Variants in XIAP observed in about 807,000 individuals in gnomAD.
XIAP encodes the protein X-linked inhibitor of apoptosis.
A neutral mutation model predicts 33.1 loss-of-function variants in XIAP; 3 were observed. The observed-to-expected ratio is 0.09, with a 90% CI of 0.04 to 0.23. The LOEUF (loss-of-function observed/expected upper bound fraction) is 0.23. XIAP is among the 10% of genes least tolerant of loss of function. The pLI, the probability that XIAP is intolerant of heterozygous loss-of-function variation, is 1.00. For missense variants in XIAP, 264 were observed against 363.0 expected, an observed-to-expected ratio of 0.73 and a Z score of 2.22; for synonymous variants, 98 against 121.3, an observed-to-expected ratio of 0.81 and a Z score of 1.26.
chrX:123,879,525 T>C (rs7876441), intron 1 of XIAP, among the ~76,000 whole-genome samples: 40,555 of 105,021 alleles, frequency 0.39, 6,203 homozygotes, highest in African/African-American at 0.49. Flanking sequence ...CCGTGTTAGC[T>C]AGGATGATCT....
chrX:123,913,050 G>A lies in XIAP; in HGVS notation c.*5869G>A. On this transcript the variant is annotated 3_prime_UTR_variant, in exon 7 of 7. Transcript: ENST00000371199. Reference sequence around the variant, plus strand: ...CCTGCCTCGGCCTCACAAAGTGCTGGGATTACAGGTGTGAACCACTGCTCC... The same window carrying A: ...CCTGCCTCGGCCTCACAAAGTGCTGAGATTACAGGTGTGAACCACTGCTCC... 1 of 318,174 alleles carries A rather than the reference G, an allele frequency of 3.1e-6. No homozygotes were observed. The highest frequency in any genetic ancestry group is 6.1e-6 in the Non-Finnish European group (1 of 164,148). The allele number at this position is 318,174 out of a possible 1,213,427, so 26.2% of individuals were successfully genotyped here. A position where few individuals can be genotyped will look rare whatever the true frequency, so the allele number is the denominator to read the frequency against.
At chrX:123,859,743 G>T, upstream of XIAP, 1 of 194,900 alleles carries the variant, frequency 5.1e-6, no homozygotes. Context: ...CGCTAGGTCA[G>T]CTTCTCGGTT....
intron 1 of XIAP, among the ~76,000 whole-genome samples, chrX:123,871,616 G>T (rs2148075198): frequency 9.1e-6 from 1 of 110,243 alleles, no homozygotes; most frequent in African/African-American, 3.3e-5. Context: ...GAGTAGCTGG[G>T]ACTACAGGCT....
At chrX:123,875,024 A>AT (rs369707216) in intron 1 of XIAP, among the ~76,000 whole-genome samples, 114 of 83,491 alleles carry the variant, frequency 1.4e-3, no homozygotes, top group African/African-American at 2.0e-3. Flanking sequence ...TCAGGGATTT[A>AT]TTTTTTTTTT....
At chrX:123,869,239 G>T (rs2053170351) in intron 1 of XIAP, among the ~76,000 whole-genome samples, 2 of 107,363 alleles carry the variant, frequency 1.9e-5, no homozygotes, top group African/African-American at 3.4e-5. Context: ...ATCTGGCTGG[G>T]CGCAGTGGCT....
At chrX:123,883,869 G>C (rs2053327916) in intron 1 of XIAP, among the ~76,000 whole-genome samples, 1 of 111,480 alleles carries the variant, frequency 9.0e-6, no homozygotes, top group Non-Finnish European at 1.9e-5. Flanking sequence ...ATCAGCCTTG[G>C]TTTCTTTGAA....
chrX:123,895,161 G>C (rs7053190), intron 5 of XIAP, among the ~76,000 whole-genome samples: 18 of 110,139 alleles, frequency 1.6e-4, no homozygotes, highest in Middle Eastern at 4.8e-3. Context: ...CCCTAGGCCA[G>C]GGCAACCAGT....
intron 1 of XIAP, among the ~76,000 whole-genome samples, chrX:123,875,338 A>G (rs1487217972): frequency 9.0e-6 from 1 of 111,048 alleles, no homozygotes; most frequent in East Asian, 2.8e-4. Context: ...GGATTTATTT[A>G]TTTTTATTTT....
At chrX:123,906,712 G>C (rs2053557706) in intron 6 of XIAP, among the ~76,000 whole-genome samples, 2 of 112,252 alleles carry the variant, frequency 1.8e-5, no homozygotes, top group Admixed American at 1.9e-4. Flanking sequence ...CTGAGCAGAA[G>C]AACTTGTTTT....
At position 123,907,643 on chromosome X, in the gene XIAP, G is replaced by C. The variant is rs1268462097; in HGVS notation, c.*462G>C. 2 of 372,946 alleles carry C rather than the reference G, an allele frequency of 5.4e-6. No homozygotes were observed. Among genetic ancestry groups the C allele is most frequent in the East Asian group, 1.1e-4 (2 of 17,837 alleles). The allele number at this position is 372,946 out of a possible 1,213,427, so 30.7% of individuals were successfully genotyped here. A position where few individuals can be genotyped will look rare whatever the true frequency, so the allele number is the denominator to read the frequency against. ...ATTGTTCCATGCTGGTGGAAAGATA[G>C]AGATTGTTTTTAGAGGTTGGTTGTT... is the stretch of plus-strand genomic sequence containing the variant. On this transcript the variant is annotated 3_prime_UTR_variant, in exon 7 of 7. Transcript: ENST00000371199.
intron 1 of XIAP, among the ~76,000 whole-genome samples, chrX:123,871,822 G>A (rs1269070870): frequency 9.0e-6 from 1 of 111,185 alleles, no homozygotes; most frequent in East Asian, 2.8e-4. Context: ...TATAATAATG[G>A]CCGGGTGCGG....
At chrX:123,879,281 G>C (rs1239382710) in intron 1 of XIAP, 1 of 105,706 alleles carries the variant, frequency 9.5e-6, no homozygotes, top group African/African-American at 3.4e-5. Flanking sequence ...ACTGGATATA[G>C]CCTTTTTCTG....
At chrX:123,884,414 G>A (rs2053333270) in intron 1 of XIAP, among the ~76,000 whole-genome samples, 1 of 109,340 alleles carries the variant, frequency 9.1e-6, no homozygotes, top group Non-Finnish European at 1.9e-5. Context: ...AACCTGGGAG[G>A]CGGAGGTCGC....
chrX:123,861,484 C>T, intron 1 of XIAP, among the ~76,000 whole-genome samples: 1 of 110,866 alleles, frequency 9.0e-6, no homozygotes, highest in Non-Finnish European at 1.9e-5. Context: ...CACACACCTT[C>T]ACATGTACGT....
At chrX:123,870,266 T>C (rs1432494655) in intron 1 of XIAP, among the ~76,000 whole-genome samples, 3 of 105,405 alleles carry the variant, frequency 2.8e-5, no homozygotes, top group Non-Finnish European at 5.8e-5. Context: ...CCAGCCAAGA[T>C]TGAAAATTTT....
chrX:123,885,756 A>C lies in XIAP; in HGVS notation c.94A>C (p.Thr32Pro). 1 of 1,211,487 alleles carries C rather than the reference A, an allele frequency of 8.3e-7. No homozygotes were observed. The highest frequency in any genetic ancestry group is 1.1e-6 in the Non-Finnish European group (1 of 895,438). Residue 32 changes from threonine (T) to proline (P), a missense_variant, in exon 2 of 7, where the codon ACT (threonine) becomes CCT (proline). Coordinates refer to ENST00000371199, the MANE Select transcript of XIAP (RefSeq NM_001167.4). ...TGTAGAAGAGTTTAATAGATTAAAA[A>C]CTTTTGCTAATTTTCCAAGTGGTAG... ...EFVEEFNRLK[T>P]FANFPSGSPV... is the part of the protein sequence containing the mutation.
At chrX:123,895,395 G>A (rs1011042962) in intron 5 of XIAP, among the ~76,000 whole-genome samples, 1 of 112,059 alleles carries the variant, frequency 8.9e-6, no homozygotes, top group African/African-American at 3.2e-5. Context: ...TATGAATGAT[G>A]GTTCTATGAA....
At chrX:123,896,603 C>T (rs1410708958) in intron 5 of XIAP, among the ~76,000 whole-genome samples, 30 of 98,945 alleles carry the variant, frequency 3.0e-4, no homozygotes, top group African/African-American at 9.7e-4. Context: ...TTTCCCAAGA[C>T]GGAGTCTTGC....
chrX:123,872,359 C>T (rs2053202504), intron 1 of XIAP, among the ~76,000 whole-genome samples: 1 of 100,643 alleles, frequency 9.9e-6, no homozygotes, highest in Non-Finnish European at 2.0e-5. Flanking sequence ...ACACTAGTGT[C>T]TCACTTAGCA....
Sources: gnomAD v4.1 joint callset for allele counts (sites outside exome capture counted in the v4.1 genomes callset) on GRCh38, gnomAD v4.1.1 for gene constraint, MANE v1.5 for transcripts, NCBI Gene and HGNC (gene_info 2026-07-23, HGNC 2026-07-21) for gene names.